JOSD1: variants seen among roughly 807,000 people sequenced by gnomAD.
The protein encoded by JOSD1 is Josephin domain containing 1.
A neutral mutation model predicts 24.3 loss-of-function variants in JOSD1; 11 were observed. That is an observed-to-expected ratio of 0.45 (90% CI 0.29 to 0.75). The LOEUF is 0.75. JOSD1 is among the 30% of genes least tolerant of loss of function. The pLI is 0.11. For missense variants in JOSD1, 184 were observed against 253.5 expected, an observed-to-expected ratio of 0.73 and a Z score of 1.86; for synonymous variants, 106 against 93.8, an observed-to-expected ratio of 1.13 and a Z score of -0.75.
At chr22:38,688,865 G>T in intron 4 of JOSD1, 70 bp downstream of exon 4, 4 of 1,351,226 alleles carry the variant, frequency 3.0e-6, no homozygotes, top group South Asian at 2.6e-5. Context: ...AATAACCAGA[G>T]ATGAGCTCAG....
At chr22:38,693,876 G>T (rs1043220197) in intron 2 of JOSD1, among the ~76,000 whole-genome samples, 1 of 152,132 alleles carries the variant, frequency 6.6e-6, no homozygotes, top group Admixed American at 6.5e-5. Flanking sequence ...TCCTAGCACC[G>T]ATCAACACTA....
intron 2 of JOSD1, among the ~76,000 whole-genome samples, chr22:38,690,995 C>T (rs982644579): frequency 6.6e-6 from 1 of 152,116 alleles, no homozygotes; most frequent in African/African-American, 2.4e-5. Flanking sequence ...GGCTGGATGT[C>T]ACCACTGCAT....
intron 2 of JOSD1, among the ~76,000 whole-genome samples, chr22:38,691,238 GC>G (rs1313668575): frequency 1.3e-5 from 2 of 151,646 alleles, no homozygotes; most frequent in African/African-American, 4.8e-5. Context: ...GGTGGCATGT[GC>G]CTATGGTCCC....
At chr22:38,698,911 C>CA (rs1251109945) in intron 2 of JOSD1, among the ~76,000 whole-genome samples, 12 of 152,154 alleles carry the variant, frequency 7.9e-5, no homozygotes, top group Non-Finnish European at 1.2e-4. Flanking sequence ...CGTGCACCAC[C>CA]ACACCGGGCT....
chr22:38,698,781 T>C (rs543194614), intron 2 of JOSD1, among the ~76,000 whole-genome samples: 1 of 152,270 alleles, frequency 6.6e-6, no homozygotes, highest in East Asian at 1.9e-4. Flanking sequence ...TTTTTGTTTT[T>C]CCGAGACCCG....
rs1374142585 is a variant in JOSD1, at chr22:38,700,002, G to A, written c.-15C>T. The A allele has an allele frequency of 1.3e-6, 2 of 1,578,912 alleles. No homozygotes were observed. The highest frequency in any genetic ancestry group is 3.7e-5 in the Admixed American group (2 of 54,442). On this transcript the variant is annotated 5_prime_UTR_variant, in exon 2 of 5. Transcript: ENST00000683374. Reference sequence around the variant, plus strand: ...ACACAACTCATGTTTTTTGTTTTAGGTTCCAGAGATGGCTATAAACACCCC... The same window carrying A: ...ACACAACTCATGTTTTTTGTTTTAGATTCCAGAGATGGCTATAAACACCCC...
Position 38,686,574 on chromosome 22 carries a change from G to C in JOSD1, c.*1328C>G, listed in dbSNP as rs1219028985. ...GGCCTACAACTATCTGAAGAGGTAG[G>C]GGCGGGTTGAACTTCCATTGATACA... On this transcript the variant is annotated 3_prime_UTR_variant, in exon 5 of 5. Coordinates refer to ENST00000683374, the MANE Select transcript of JOSD1 (RefSeq NM_001360236.2). 1 of 152,262 alleles carries C rather than the reference G, an allele frequency of 6.6e-6. No individual in the cohort carries two copies. Among genetic ancestry groups the C allele is most frequent in the Non-Finnish European group, 1.5e-5 (1 of 68,108 alleles). The allele number at this position is 152,262 out of a possible 1,614,324, so 9.4% of individuals were successfully genotyped here. A position where few individuals can be genotyped will look rare whatever the true frequency, so the allele number is the denominator to read the frequency against.
chr22:38,700,952 G>T (rs898192731), upstream of JOSD1: 1 of 984,732 alleles, frequency 1.0e-6, no homozygotes, highest in Non-Finnish European at 1.2e-6. Context: ...GGCCGTGCGG[G>T]CGGGCGCGCG....
intron 2 of JOSD1, among the ~76,000 whole-genome samples, chr22:38,690,085 T>G (rs1206021334): frequency 6.6e-6 from 1 of 152,186 alleles, no homozygotes; most frequent in East Asian, 1.9e-4. Flanking sequence ...CTTTAGCCAG[T>G]CTGTATTTTA....
intron 2 of JOSD1, among the ~76,000 whole-genome samples, chr22:38,691,754 C>T (rs1035127826): frequency 5.9e-5 from 9 of 152,094 alleles, no homozygotes; most frequent in Non-Finnish European, 8.8e-5. Flanking sequence ...CTACAACCTC[C>T]GGAGAGGCCT....
chr22:38,694,197 T>C (rs2092535181), intron 2 of JOSD1, among the ~76,000 whole-genome samples: 1 of 152,250 alleles, frequency 6.6e-6, no homozygotes, highest in Non-Finnish European at 1.5e-5. Context: ...AGTAATCAAG[T>C]GGCCACTGTG....
chr22:38,698,238 C>T (rs2092553396), intron 2 of JOSD1, among the ~76,000 whole-genome samples: 1 of 152,168 alleles, frequency 6.6e-6, no homozygotes. Context: ...TCTCCCAGTG[C>T]CCCAGGTCCT....
intron 2 of JOSD1, among the ~76,000 whole-genome samples, chr22:38,692,673 C>G (rs1027128012): frequency 3.4e-5 from 5 of 147,602 alleles, no homozygotes; most frequent in Admixed American, 6.9e-5. Flanking sequence ...CCCAGCTACT[C>G]GGGAGGCTGA....
intron 2 of JOSD1, among the ~76,000 whole-genome samples, chr22:38,699,452 T>C (rs559938550): frequency 3.3e-5 from 5 of 152,328 alleles, no homozygotes; most frequent in African/African-American, 9.6e-5. Context: ...GTCAACAGCA[T>C]AGATATAAGA....
intron 2 of JOSD1, among the ~76,000 whole-genome samples, chr22:38,693,244 C>T (rs1324504613): frequency 6.6e-6 from 1 of 152,178 alleles, no homozygotes; most frequent in Non-Finnish European, 1.5e-5. Context: ...ACAGAACTAG[C>T]TTTCCAATGA....
Position 38,700,849 on chromosome 22 carries a change from C to A in JOSD1, c.-681G>T. ...GGCCCAGACGCCCTCCCGCCGCGCC[C>A]CCGGCCGCAGACCCCAGGGCCGCCG... On this transcript the variant is annotated 5_prime_UTR_variant, in exon 1 of 5. Transcript: ENST00000683374. 1.0e-6 allele frequency: 1 copy of A among 984,710 alleles called. No homozygotes were observed. Among genetic ancestry groups the A allele is most frequent in the Non-Finnish European group, 1.2e-6 (1 of 829,720 alleles). The allele number at this position is 984,710 out of a possible 1,614,324, so 61.0% of individuals were successfully genotyped here.
At chr22:38,689,174 C>T (rs759185944) in intron 3 of JOSD1, 45 bp from the exon 4 acceptor site, 3 of 1,602,300 alleles carry the variant, frequency 1.9e-6, no homozygotes, top group African/African-American at 2.7e-5. Flanking sequence ...GCCCATTTTC[C>T]AAGGTTCCCT....
At chr22:38,688,670 T>C (rs1476430910) in intron 4 of JOSD1, among the ~76,000 whole-genome samples, 1 of 152,144 alleles carries the variant, frequency 6.6e-6, no homozygotes, top group African/African-American at 2.4e-5. Context: ...TTGTCTTAAA[T>C]AGAGAGAACG....
At chr22:38,692,861 T>C (rs569705201) in intron 2 of JOSD1, among the ~76,000 whole-genome samples, 65 of 150,976 alleles carry the variant, frequency 4.3e-4, no homozygotes, top group Admixed American at 1.4e-3. Flanking sequence ...CCTGATATAA[T>C]TGGTTCCTTT....
Sources: gnomAD v4.1 joint callset for allele counts (sites outside exome capture counted in the v4.1 genomes callset) on GRCh38, gnomAD v4.1.1 for gene constraint, MANE v1.5 for transcripts, NCBI Gene and HGNC (gene_info 2026-07-23, HGNC 2026-07-21) for gene names.